Variants in EXOC6B observed in about 807,000 individuals in gnomAD.
EXOC6B encodes SEC15 homolog B.
A neutral mutation model predicts 113.5 loss-of-function variants in EXOC6B; 54 were observed. The ratio of observed to expected loss-of-function variants is 0.48; its 90% CI spans 0.38 to 0.60. The LOEUF (loss-of-function observed/expected upper bound fraction) is 0.60. Among genes scored for constraint, EXOC6B ranks in the 20% least tolerant of loss-of-function variants. EXOC6B has a pLI of 0.00. For missense variants in EXOC6B, 797 were observed against 977.5 expected (o/e 0.82, Z 2.46); for synonymous variants, 357 against 339.0 (o/e 1.05, Z -0.58).
At chr2:72,360,921 A>C (rs1690270640) in intron 19 of EXOC6B, among the ~76,000 whole-genome samples, 2 of 121,244 alleles carry the variant, frequency 1.6e-5, no homozygotes, top group Non-Finnish European at 3.2e-5. Context: ...ATAAAGGAAG[A>C]CTCCATCTCA....
chr2:72,454,363 G>A (rs1222084165), intron 18 of EXOC6B, among the ~76,000 whole-genome samples: 22 of 152,044 alleles, frequency 1.4e-4, no homozygotes, highest in Admixed American at 1.4e-3. Flanking sequence ...AGTTAGCCAG[G>A]AATGGCAGCA....
intron 20 of EXOC6B, among the ~76,000 whole-genome samples, chr2:72,290,507 A>G: frequency 6.6e-6 from 1 of 152,156 alleles, no homozygotes; most frequent in Non-Finnish European, 1.5e-5. Flanking sequence ...CAGAATCCTT[A>G]TAATATACAT....
At chr2:72,513,698 A>G (rs1174292833) in intron 10 of EXOC6B, among the ~76,000 whole-genome samples, 1 of 151,914 alleles carries the variant, frequency 6.6e-6, no homozygotes, top group East Asian at 1.9e-4. Context: ...CCAATGCACA[A>G]AATATCAAAA....
intron 6 of EXOC6B, among the ~76,000 whole-genome samples, chr2:72,633,007 A>G (rs967778700): frequency 6.6e-6 from 1 of 152,210 alleles, no homozygotes; most frequent in Non-Finnish European, 1.5e-5. Flanking sequence ...TACCTTGTGA[A>G]CAAACTTCCT....
chr2:72,605,502 A>C lies in EXOC6B; in HGVS notation c.670-29834T>G, dbSNP rs367999680. Among the ~76,000 whole-genome samples the C allele has an allele frequency of 2.7e-4, 41 of 152,266 alleles. 2 individuals are homozygous for C. The highest frequency in any genetic ancestry group is 8.2e-4 in the African/African-American group (34 of 41,570). On this transcript the variant is annotated intron_variant, in intron 6 of 21. Coordinates refer to ENST00000272427, the MANE Select transcript of EXOC6B (RefSeq NM_015189.3). ...AGCATTTTATAAGTTTATACTAGTT[A>C]TCACTATATCATATTAACTTGTCTC...
chr2:72,190,855 C>T (rs1037157566), intron 20 of EXOC6B, among the ~76,000 whole-genome samples: 1 of 152,176 alleles, frequency 6.6e-6, no homozygotes, highest in African/African-American at 2.4e-5. Context: ...TTTCAAGGGA[C>T]AGACCAGACA....
intron 20 of EXOC6B, among the ~76,000 whole-genome samples, chr2:72,244,788 G>A (rs1303448819): frequency 3.9e-5 from 6 of 152,064 alleles, no homozygotes; most frequent in South Asian, 4.1e-4. Context: ...CAACTATAGC[G>A]AGGGTGCAGG....
At chr2:72,623,329 T>C (rs1030775272) in intron 6 of EXOC6B, among the ~76,000 whole-genome samples, 1 of 152,158 alleles carries the variant, frequency 6.6e-6, no homozygotes, top group Admixed American at 6.6e-5. Flanking sequence ...TAGAGATACA[T>C]TGGCAAAATC....
chr2:72,704,548 T>C (rs1406012977), intron 6 of EXOC6B, among the ~76,000 whole-genome samples: 1 of 151,742 alleles, frequency 6.6e-6, no homozygotes, highest in African/African-American at 2.4e-5. Flanking sequence ...AGCTGGTTTT[T>C]TGAAAGGATC....
intron 6 of EXOC6B, among the ~76,000 whole-genome samples, chr2:72,616,246 T>C (rs1457680149): frequency 1.3e-5 from 2 of 151,848 alleles, no homozygotes; most frequent in African/African-American, 2.4e-5. Flanking sequence ...AAAATACCAA[T>C]GACATTCTTC....
At chr2:72,767,808 T>TAA (rs34358568) in intron 1 of EXOC6B, among the ~76,000 whole-genome samples, 293 of 12,678 alleles carry the variant, frequency 0.023, 60 homozygotes, top group Middle Eastern at 0.083. Flanking sequence ...GAGACCTTGT[T>TAA]AAAAAAAAAA....
chr2:72,423,515 A>G (rs1301971905), intron 18 of EXOC6B, among the ~76,000 whole-genome samples: 1 of 152,232 alleles, frequency 6.6e-6, no homozygotes, highest in Non-Finnish European at 1.5e-5. Context: ...ATTGTTCTCT[A>G]GTTAAGTTTC....
chr2:72,540,451 T>C (rs1702536987), intron 8 of EXOC6B, among the ~76,000 whole-genome samples: 1 of 152,190 alleles, frequency 6.6e-6, no homozygotes, highest in African/African-American at 2.4e-5. Context: ...ATTTTCTACA[T>C]ATATATATTT....
intron 19 of EXOC6B, among the ~76,000 whole-genome samples, chr2:72,339,249 TTTGA>T (rs1688886297): frequency 6.6e-6 from 1 of 152,090 alleles, no homozygotes; most frequent in Non-Finnish European, 1.5e-5. Context: ...ATTGTCCTTC[TTTGA>T]CATAATAAAA....
Position 72,178,542 on chromosome 2 carries a change from G to T in EXOC6B, c.*793C>A, listed in dbSNP as rs756912280. 1 of 152,186 alleles carries T rather than the reference G, an allele frequency of 6.6e-6. No individual in the cohort carries two copies. The highest frequency in any genetic ancestry group is 2.4e-5 in the African/African-American group (1 of 41,426). The allele number at this position is 152,186 out of a possible 1,614,324, so 9.4% of individuals were successfully genotyped here. On this transcript the variant is annotated 3_prime_UTR_variant, in exon 22 of 22. Coordinates refer to ENST00000272427, the MANE Select transcript of EXOC6B (RefSeq NM_015189.3). ...TGAAGGAAATGAGATGAACAGGGAAGGGATTGGGTCTCTGATTCCATGAAA... is the reference window on the plus strand; with the variant it reads ...TGAAGGAAATGAGATGAACAGGGAATGGATTGGGTCTCTGATTCCATGAAA...
At chr2:72,229,022 G>A (rs1021881061) in intron 20 of EXOC6B, among the ~76,000 whole-genome samples, 2 of 152,290 alleles carry the variant, frequency 1.3e-5, no homozygotes, top group Non-Finnish European at 2.9e-5. Flanking sequence ...GCCAGTGATA[G>A]TGAGCATTTT....
intron 1 of EXOC6B, among the ~76,000 whole-genome samples, chr2:72,743,456 C>T (rs1030998490): frequency 1.3e-4 from 20 of 152,080 alleles, no homozygotes; most frequent in African/African-American, 4.3e-4. Context: ...GCTACCCTGG[C>T]TTTTTTTAAA....
chr2:72,550,617 A>G (rs1002187773), intron 8 of EXOC6B, among the ~76,000 whole-genome samples: 3 of 152,146 alleles, frequency 2.0e-5, no homozygotes. Flanking sequence ...AGGGAATATT[A>G]CTGTGTATAA....
intron 18 of EXOC6B, among the ~76,000 whole-genome samples, chr2:72,397,229 G>C (rs1692784715): frequency 6.6e-6 from 1 of 152,052 alleles, no homozygotes; most frequent in African/African-American, 2.4e-5. Flanking sequence ...CAGCTATCTT[G>C]GAACCTTGAG....
Sources: gnomAD v4.1 joint callset for allele counts (sites outside exome capture counted in the v4.1 genomes callset) on GRCh38, gnomAD v4.1.1 for gene constraint, MANE v1.5 for transcripts, NCBI Gene and HGNC (gene_info 2026-07-23, HGNC 2026-07-21) for gene names.